RARB: variants seen among roughly 807,000 people sequenced by gnomAD.
The protein encoded by RARB is HBV-activated protein.
In RARB, 17 loss-of-function variants were observed where a neutral mutation model predicts 51.9. That is an observed-to-expected ratio of 0.33 (90% CI 0.22 to 0.49). The LOEUF is 0.49. Ranked by LOEUF, RARB falls within the 20% of genes least tolerant of loss-of-function variation. RARB has a pLI of 0.99. For missense variants in RARB, 369 were observed against 550.8 expected, an observed-to-expected ratio of 0.67 and a Z score of 3.30; for synonymous variants, 215 against 195.4, an observed-to-expected ratio of 1.10 and a Z score of -0.84.
intron 2 of RARB, among the ~76,000 whole-genome samples, chr3:24,905,476 G>A (rs1694841698): frequency 6.6e-6 from 1 of 152,090 alleles, no homozygotes; most frequent in South Asian, 2.1e-4. Flanking sequence ...ATTATTGATG[G>A]GCTGACTCAT....
chr3:24,976,545 T>TC (rs1696516060), intron 2 of RARB, among the ~76,000 whole-genome samples: 2 of 152,346 alleles, frequency 1.3e-5, no homozygotes, highest in South Asian at 4.1e-4. Context: ...TTTTCATGTG[T>TC]CTGTTGGCTG....
In RARB at chr3:24,990,432, T is replaced by TA. The variant is rs1317409042; in HGVS notation, c.-379-69685dup. Among the ~76,000 whole-genome samples the TA allele has an allele frequency of 1.0e-4, 10 of 96,422 alleles. 2 individuals carry two copies. Among genetic ancestry groups the TA allele is most frequent in the Non-Finnish European group, 1.8e-4 (9 of 49,216 alleles). 63.3% of individuals were successfully genotyped at this position (96,422 alleles called of 152,430 possible). ...ATGATAATCAAACTTTCCTACATTT[T>TA]AAAAAAAATCCTGCCTAATCTAACA... On this transcript the variant is annotated intron_variant, in intron 2 of 11. Coordinates refer to the RARB transcript ENST00000383772.
Position 25,475,800 on chromosome 3 carries a change from G to A in RARB, c.306+14459G>A, listed in dbSNP as rs113310200. 2.1e-3 allele frequency among the ~76,000 whole-genome samples: 316 copies of A among 152,304 alleles called. 3 individuals are homozygous for A. The highest frequency in any genetic ancestry group is 6.3e-3 in the African/African-American group (262 of 41,558). On this transcript the variant is annotated intron_variant, in intron 2 of 7. Transcript: ENST00000330688. ...ATTACTCCTGCAGGAAATGCATCTGGCATTTGTTACTCTCACAGTAACATC... is the reference window on the plus strand; with the variant it reads ...ATTACTCCTGCAGGAAATGCATCTGACATTTGTTACTCTCACAGTAACATC...
At chr3:25,325,194 T>C (rs1704678633) in intron 5 of RARB, among the ~76,000 whole-genome samples, 1 of 152,176 alleles carries the variant, frequency 6.6e-6, no homozygotes, top group African/African-American at 2.4e-5. Flanking sequence ...TAGTGTAGCT[T>C]CCTGATGTTG....
At chr3:25,033,676 C>G (rs4858692) in intron 2 of RARB, among the ~76,000 whole-genome samples, 1 of 151,850 alleles carries the variant, frequency 6.6e-6, no homozygotes, top group Non-Finnish European at 1.5e-5. Flanking sequence ...TTTCAGAGAG[C>G]AGTGGCTGCA....
Position 25,308,750 on chromosome 3 carries a change from C to T in RARB, c.178+134175C>T, listed in dbSNP as rs138576167. 5.0e-3 allele frequency among the ~76,000 whole-genome samples: 759 copies of T among 152,188 alleles called. 9 individuals carry two copies. Among genetic ancestry groups the T allele is most frequent in the African/African-American group, 0.017 (708 of 41,516 alleles). On this transcript the variant is annotated intron_variant, in intron 5 of 11. Transcript: ENST00000383772. ...GGCATTAGCCATTGCACCCAGCCTCCGTGAGTATTTTCTTATTCAAGTTAT... is the reference window on the plus strand; with the variant it reads ...GGCATTAGCCATTGCACCCAGCCTCTGTGAGTATTTTCTTATTCAAGTTAT...
intron 2 of RARB, among the ~76,000 whole-genome samples, chr3:24,926,278 G>A (rs114468806): frequency 0.013 from 1,917 of 151,928 alleles, 37 homozygotes; most frequent in African/African-American, 0.042. Context: ...GCGGTGGAGA[G>A]TGTGTAAAAT....
intron 2 of RARB, among the ~76,000 whole-genome samples, chr3:24,956,151 C>CTG (rs1409032503): frequency 6.6e-6 from 1 of 152,090 alleles, no homozygotes; most frequent in Non-Finnish European, 1.5e-5. Context: ...TTTCAAAGTA[C>CTG]TGAGAATACT....
intron 2 of RARB, among the ~76,000 whole-genome samples, chr3:24,932,285 T>C (rs1016052634): frequency 5.3e-5 from 8 of 151,956 alleles, no homozygotes; most frequent in African/African-American, 1.9e-4. Flanking sequence ...ATCCTAAAAC[T>C]GGACCAGGCC....
At chr3:24,943,355 T>C (rs1008533793) in intron 2 of RARB, among the ~76,000 whole-genome samples, 6 of 152,212 alleles carry the variant, frequency 3.9e-5, no homozygotes, top group African/African-American at 1.2e-4. Flanking sequence ...GCTACGCTCT[T>C]GTTATCGTAA....
intron 1 of RARB, among the ~76,000 whole-genome samples, chr3:24,839,032 A>G (rs1241618169): frequency 6.6e-6 from 1 of 152,018 alleles, no homozygotes; most frequent in Non-Finnish European, 1.5e-5. Context: ...CCGGTTAGCA[A>G]TTTATGGTTT....
intron 2 of RARB, among the ~76,000 whole-genome samples, chr3:25,494,253 GCA>G (rs57081618): frequency 2.9e-4 from 38 of 131,816 alleles, no homozygotes; most frequent in East Asian, 2.4e-3. Flanking sequence ...TGTATCTTAC[GCA>G]CACACACACA....
chr3:25,233,399 G>C (rs1264188520), intron 5 of RARB, among the ~76,000 whole-genome samples: 2 of 152,078 alleles, frequency 1.3e-5, no homozygotes, highest in Non-Finnish European at 2.9e-5. Context: ...CTGCAACCTT[G>C]CTAACATCAC....
intron 5 of RARB, among the ~76,000 whole-genome samples, chr3:25,582,194 T>C (rs985105422): frequency 2.0e-5 from 3 of 152,324 alleles, no homozygotes; most frequent in South Asian, 2.1e-4. Flanking sequence ...AACAATGAGC[T>C]ATTAGAATAA....
intron 2 of RARB, among the ~76,000 whole-genome samples, chr3:24,945,949 C>G (rs1320674266): frequency 1.3e-5 from 2 of 152,222 alleles, no homozygotes; most frequent in Admixed American, 6.5e-5. Flanking sequence ...TCTAATGTCT[C>G]AAACTATCTT....
rs184095440 is a variant in RARB, at chr3:24,982,488, G to A, written c.-379-77637G>A. On this transcript the variant is annotated intron_variant, in intron 2 of 11. Coordinates refer to the RARB transcript ENST00000383772. ...TAGCTTTGATGTGGTCCTTCTCCAA[G>A]TGGAGTAGAATGGGGTAGTCCAGGA... Among the ~76,000 whole-genome samples the A allele has an allele frequency of 2.6e-5, 4 of 152,224 alleles. No homozygotes were observed. The East Asian group carries it at 7.8e-4, about 30-fold the overall frequency.
intron 2 of RARB, among the ~76,000 whole-genome samples, chr3:24,860,222 A>G (rs1011560749): frequency 6.6e-6 from 1 of 152,180 alleles, no homozygotes; most frequent in Admixed American, 6.5e-5. Context: ...AGTGGCAAAT[A>G]TTGAAGTCAC....
At chr3:25,088,516 T>C (rs1486601916) in intron 3 of RARB, among the ~76,000 whole-genome samples, 1 of 152,138 alleles carries the variant, frequency 6.6e-6, no homozygotes, top group Non-Finnish European at 1.5e-5. Context: ...TGCTTAGAAA[T>C]CCATGTAGTG....
chr3:25,126,155 A>G (rs1405818572), intron 3 of RARB, among the ~76,000 whole-genome samples: 1 of 152,164 alleles, frequency 6.6e-6, no homozygotes, highest in Non-Finnish European at 1.5e-5. Flanking sequence ...TTCATTAAAA[A>G]CATCATAAAA....
Sources: allele counts gnomAD v4.1 joint callset (sites outside exome capture counted in the v4.1 genomes callset), GRCh38; gene constraint gnomAD v4.1.1; transcripts MANE v1.5; gene names NCBI Gene and HGNC (gene_info 2026-07-23, HGNC 2026-07-21).